Variants in DPF3 observed in about 807,000 individuals in gnomAD.
DPF3 encodes zinc finger protein DPF3.
A neutral mutation model predicts 56.8 loss-of-function variants in DPF3; 18 were observed. The ratio of observed to expected loss-of-function variants is 0.32; its 90% CI spans 0.22 to 0.47. The LOEUF is 0.47. DPF3 is among the 20% of genes least tolerant of loss of function. DPF3 has a pLI of 1.00. For synonymous variants in DPF3, 188 were observed against 180.2 expected, an observed-to-expected ratio of 1.04 and a Z score of -0.35; for missense variants, 403 against 488.8, an observed-to-expected ratio of 0.82 and a Z score of 1.65.
intron 6 of DPF3, among the ~76,000 whole-genome samples, chr14:72,704,696 C>T (rs1440343741): frequency 1.3e-5 from 2 of 152,158 alleles, no homozygotes; most frequent in Non-Finnish European, 2.9e-5. Flanking sequence ...ATTACTTCCC[C>T]TTTTAGGATA....
intron 6 of DPF3, among the ~76,000 whole-genome samples, chr14:72,713,950 A>T (rs1024692340): frequency 2.6e-5 from 4 of 152,256 alleles, no homozygotes; most frequent in Non-Finnish European, 4.4e-5. Flanking sequence ...AGAAAGATTC[A>T]TAACTTGCCC....
At chr14:72,800,807 T>C (rs895715744) in intron 1 of DPF3, among the ~76,000 whole-genome samples, 3 of 150,380 alleles carry the variant, frequency 2.0e-5, no homozygotes, top group Non-Finnish European at 1.5e-5. Flanking sequence ...GATGGATGCA[T>C]AGATGGATAG....
chr14:72,741,207 C>T (rs1319872607), intron 3 of DPF3, among the ~76,000 whole-genome samples: 16 of 152,222 alleles, frequency 1.1e-4, no homozygotes, highest in Non-Finnish European at 1.5e-5. Flanking sequence ...CCCAGCAGTG[C>T]AGTGTGGAGG....
At chr14:72,728,024 G>A (rs1260012486) in intron 4 of DPF3, among the ~76,000 whole-genome samples, 1 of 152,160 alleles carries the variant, frequency 6.6e-6, no homozygotes, top group East Asian at 1.9e-4. Flanking sequence ...CACCAGCCCA[G>A]TGCTGCATGA....
At chr14:72,731,471 T>C (rs547288688) in intron 4 of DPF3, 30 of 237,214 alleles carry the variant, frequency 1.3e-4, no homozygotes, top group Non-Finnish European at 2.4e-4. Flanking sequence ...CAATGGACTC[T>C]TGGTTCCATG....
intron 2 of DPF3, among the ~76,000 whole-genome samples, chr14:72,765,639 C>T (rs1215277011): frequency 6.6e-6 from 1 of 152,118 alleles, no homozygotes; most frequent in Non-Finnish European, 1.5e-5. Context: ...CCAGACATGC[C>T]CTTGTCCCTA....
chr14:72,662,770 CT>C, intron 8 of DPF3: 1 of 990,610 alleles, frequency 1.0e-6, no homozygotes, highest in Admixed American at 5.9e-5. Flanking sequence ...ATCCTGGCTT[CT>C]TTTCACCTTC....
Position 72,612,993 on chromosome 14 carries a change from C to CGTGTGTGTGTGTGTGT in DPF3, c.*6288_*6303dup, listed in dbSNP as rs59321921. Among the ~76,000 whole-genome samples, 10 of 148,954 alleles carry CGTGTGTGTGTGTGTGT rather than the reference C, an allele frequency of 6.7e-5. No homozygotes were observed. Among genetic ancestry groups the CGTGTGTGTGTGTGTGT allele is most frequent in the East Asian group, 4.1e-4 (2 of 4,938 alleles). On this transcript the variant is annotated 3_prime_UTR_variant, in exon 11 of 11. Coordinates refer to ENST00000556509, the MANE Select transcript of DPF3 (RefSeq NM_001280542.3). ...TTTCCCTTTGGTTCATTAAGTAGGG[C>CGTGTGTGTGTGTGTGT]GTGTGTGTGTGTGTGTGTGTGTGTG...
chr14:72,743,466 A>G (rs1384668004), intron 3 of DPF3, among the ~76,000 whole-genome samples: 1 of 152,120 alleles, frequency 6.6e-6, no homozygotes. Flanking sequence ...AATGAAGATA[A>G]TATCTGTCCT....
intron 7 of DPF3, among the ~76,000 whole-genome samples, chr14:72,680,038 G>A (rs1359961522): frequency 6.6e-6 from 1 of 152,094 alleles, no homozygotes; most frequent in Admixed American, 6.5e-5. Context: ...GGGAGAGGCG[G>A]GCTGGGGAGA....
intron 1 of DPF3, among the ~76,000 whole-genome samples, chr14:72,877,095 G>T (rs1022774484): frequency 1.1e-4 from 16 of 152,228 alleles, no homozygotes; most frequent in African/African-American, 3.9e-4. Context: ...AGGGGACAGG[G>T]ATCAGAAGGA....
chr14:72,638,973 T>G (rs2247658), intron 8 of DPF3, among the ~76,000 whole-genome samples: 3 of 151,840 alleles, frequency 2.0e-5, no homozygotes, highest in Non-Finnish European at 2.9e-5. Context: ...CCCGCCACCA[T>G]GCCTGGCTAA....
At chr14:72,697,686 T>C (rs923711362) in intron 6 of DPF3, among the ~76,000 whole-genome samples, 4 of 152,152 alleles carry the variant, frequency 2.6e-5, no homozygotes, top group Non-Finnish European at 5.9e-5. Context: ...CTGCTTAAGA[T>C]TGTAGGGCAG....
chr14:72,628,876 G>C (rs1032662456), intron 9 of DPF3, among the ~76,000 whole-genome samples: 5 of 152,220 alleles, frequency 3.3e-5, no homozygotes, highest in Non-Finnish European at 7.3e-5. Context: ...GAGGAAGAAA[G>C]AGAATAAGAT....
At chr14:72,774,286 A>C (rs1389955505) in intron 1 of DPF3, among the ~76,000 whole-genome samples, 2 of 151,442 alleles carry the variant, frequency 1.3e-5, no homozygotes, top group Non-Finnish European at 2.9e-5. Context: ...AAAAAAAAAA[A>C]AAACCTGCTT....
chr14:72,723,592 C>G, intron 5 of DPF3, 41 bp downstream of exon 5: 22 of 1,507,784 alleles, frequency 1.5e-5, no homozygotes, highest in Non-Finnish European at 1.9e-5. Flanking sequence ...GCACCCCAGC[C>G]TCCCTCATCT....
chr14:72,867,804 T>C (rs911272035), intron 1 of DPF3, among the ~76,000 whole-genome samples: 2 of 152,170 alleles, frequency 1.3e-5, no homozygotes, highest in African/African-American at 2.4e-5. Context: ...AGTGGCACAA[T>C]CTCGGCTCAC....
At chr14:72,646,064 A>G (rs1885715211) in intron 8 of DPF3, among the ~76,000 whole-genome samples, 1 of 152,190 alleles carries the variant, frequency 6.6e-6, no homozygotes, top group Non-Finnish European at 1.5e-5. Flanking sequence ...GCACTTCTCT[A>G]AACTCACTCC....
chr14:72,646,104 C>T (rs1043951362), intron 8 of DPF3, among the ~76,000 whole-genome samples: 1 of 152,212 alleles, frequency 6.6e-6, no homozygotes, highest in Non-Finnish European at 1.5e-5. Context: ...AGTCTTCACT[C>T]TCTCCACACT....
Sources: allele counts gnomAD v4.1 joint callset (sites outside exome capture counted in the v4.1 genomes callset), GRCh38; gene constraint gnomAD v4.1.1; transcripts MANE v1.5; gene names NCBI Gene and HGNC (gene_info 2026-07-23, HGNC 2026-07-21).